The following RB1CC1 variants were observed in gnomAD, a reference collection of about 807,000 sequenced individuals.
RB1CC1 encodes RB1-inducible coiled-coil protein 1.
A neutral mutation model predicts 177.5 loss-of-function variants in RB1CC1; 46 were observed. That is an observed-to-expected ratio of 0.26 (90% CI 0.20 to 0.33). RB1CC1 has a LOEUF of 0.33. Among genes scored for constraint, RB1CC1 ranks in the 10% least tolerant of loss-of-function variants. The pLI, the probability that RB1CC1 is intolerant of heterozygous loss-of-function variation, is 1.00. For missense variants in RB1CC1, 1,703 were observed against 1,816.3 expected (o/e 0.94, Z 1.13); for synonymous variants, 666 against 613.6 (o/e 1.09, Z -1.26).
intron 22 of RB1CC1, among the ~76,000 whole-genome samples, chr8:52,625,376 C>A (rs2150365297): frequency 6.6e-6 from 1 of 152,150 alleles, no homozygotes; most frequent in East Asian, 1.9e-4. Flanking sequence ...TGAAGGAAAG[C>A]TGAAAAATGT....
At chr8:52,640,164 T>C (rs1167265163) in intron 18 of RB1CC1, among the ~76,000 whole-genome samples, 1 of 152,188 alleles carries the variant, frequency 6.6e-6, no homozygotes, top group African/African-American at 2.4e-5. Flanking sequence ...TAAAAAAACC[T>C]ACATATGATC....
intron 2 of RB1CC1, 65 bp from the exon 3 acceptor site, chr8:52,685,585 T>C: frequency 1.6e-6 from 1 of 630,598 alleles, no homozygotes; most frequent in Non-Finnish European, 2.8e-6. Context: ...ACTATCATCA[T>C]TATGACACAG....
chr8:52,641,151 A>C (rs1004582506), intron 18 of RB1CC1, among the ~76,000 whole-genome samples: 13 of 152,002 alleles, frequency 8.6e-5, no homozygotes, highest in Non-Finnish European at 1.8e-4. Flanking sequence ...TGGGAGGCTG[A>C]GGTGAGTGGA....
In RB1CC1 at chr8:52,657,869, G is replaced by C. The variant is rs1305357715; in HGVS notation, c.1960C>G (p.Pro654Ala). 2 of 1,613,966 alleles carry C rather than the reference G, an allele frequency of 1.2e-6. No homozygotes were observed. The highest frequency in any genetic ancestry group is 1.6e-4 in the Middle Eastern group (1 of 6,062). Residue 654 changes from proline (P) to alanine (A), a missense_variant, in exon 15 of 24, where the codon CCA (proline) becomes GCA (alanine). Physicochemically the swap from Pro to Ala is conservative, Grantham distance 27. Transcript: ENST00000025008. ...ATTCCTGCTGTACTTTCCATCCTTG[G>C]TGAAGAAGCAGACTGTGGGGATGTC... ...SQTSPQSASS[P>A]RMESTAGITT...
intron 1 of RB1CC1, among the ~76,000 whole-genome samples, chr8:52,708,088 T>C (rs1483643080): frequency 6.6e-6 from 1 of 152,216 alleles, no homozygotes; most frequent in East Asian, 1.9e-4. Flanking sequence ...AAGAACTTCA[T>C]AATTAACCCC....
At chr8:52,682,404 C>CA in intron 5 of RB1CC1, among the ~76,000 whole-genome samples, 1 of 152,234 alleles carries the variant, frequency 6.6e-6, no homozygotes, top group African/African-American at 2.4e-5. Context: ...AGCATGAAAA[C>CA]AGACTGATAT....
rs1445284893 is a variant in RB1CC1, at chr8:52,656,736, A to G, written c.3093T>C (p.Ser1031=). ...NQQIINQIQE[S]HAEIIQEKEK... is the part of the protein sequence containing the mutation. ...CTTTTTCCTGGATAATTTCAGCATG[A>G]GATTCTTGTATTTGATTAATTATTT... Residue 1031 remains serine (S), a synonymous_variant, in exon 15 of 24, where the codon TCT becomes TCC. Coordinates refer to ENST00000025008, the MANE Select transcript of RB1CC1 (RefSeq NM_014781.5). 1 of 1,613,600 alleles carries G rather than the reference A, an allele frequency of 6.2e-7. No homozygotes were observed. The highest frequency in any genetic ancestry group is 1.3e-5 in the African/African-American group (1 of 74,982).
chr8:52,708,234 T>C (rs1436249738), intron 1 of RB1CC1, among the ~76,000 whole-genome samples: 2 of 152,200 alleles, frequency 1.3e-5, no homozygotes, highest in African/African-American at 4.8e-5. Flanking sequence ...AGTCAAAGTA[T>C]TGCCGGGCAC....
chr8:52,623,516 GAA>G lies in RB1CC1; in HGVS notation c.*264_*265del. ...CACAAGGTATGCCCTTTGAGAAAAT[GAA>G]GTAGTTTGGTCCGCATTTCTAGAGT... On this transcript the variant is annotated 3_prime_UTR_variant, in exon 24 of 24. Transcript: ENST00000025008. 2.3e-6 allele frequency: 1 copy of G among 432,498 alleles called. No individual in the cohort carries two copies. Among genetic ancestry groups the G allele is most frequent in the Non-Finnish European group, 4.3e-6 (1 of 230,476 alleles). The allele number at this position is 432,498 out of a possible 1,614,324, so 26.8% of individuals were successfully genotyped here. A position where few individuals can be genotyped will look rare whatever the true frequency, so the allele number is the denominator to read the frequency against.
At chr8:52,698,887 C>G (rs1400909890) in intron 1 of RB1CC1, among the ~76,000 whole-genome samples, 2 of 150,426 alleles carry the variant, frequency 1.3e-5, no homozygotes, top group Non-Finnish European at 1.5e-5. Context: ...GGCAGGGTTT[C>G]GCCATGTTGG....
rs1206087337 is a variant in RB1CC1 at position 52,686,859 on chromosome 8, G to A, written c.-58C>T. ...GGTAGAAACTGTGACTTACCGTCAG[G>A]CACTGTGAAAAGGACTACCACTTTT... On this transcript the variant is annotated 5_prime_UTR_variant, in exon 2 of 24. Transcript: ENST00000025008. The A allele has an allele frequency of 2.2e-6, 1 of 454,660 alleles. No homozygotes were observed. The highest frequency in any genetic ancestry group is 2.4e-5 in the Admixed American group (1 of 42,094). 28.2% of individuals were successfully genotyped at this position (454,660 alleles called of 1,614,324 possible). A position where few individuals can be genotyped will look rare whatever the true frequency, so the allele number is the denominator to read the frequency against.
chr8:52,675,366 TTA>T (rs1853000764), intron 6 of RB1CC1, among the ~76,000 whole-genome samples: 1 of 151,286 alleles, frequency 6.6e-6, no homozygotes, highest in Non-Finnish European at 1.5e-5. Context: ...GTCAAGATAA[TTA>T]AAAGAAAAAA....
At position 52,674,264 on chromosome 8, in the gene RB1CC1, C is replaced by A. The variant is rs749327814; in HGVS notation, c.583G>T (p.Ala195Ser). ...GGAATCTTGGCCATTACTGAAACTG[C>A]AGTTCCTAAACTTAAAATACAAAAG... ...IKLKLTHLGT[A>S]VSVMAKIPLL... The change falls in exon 7 of 24, where the codon GCA becomes TCA. Residue 195 changes from alanine to serine, a missense_variant. Physicochemically the swap from Ala to Ser is moderately conservative, Grantham distance 99 (BLOSUM62 1). Around this residue, in one of 6 missense-constraint regions of RB1CC1, gnomAD observed 315 missense variants for 304.9 expected, o/e 1.03. Transcript: ENST00000025008. The A allele has an allele frequency of 6.2e-7, 1 of 1,601,008 alleles. No homozygotes were observed. Among genetic ancestry groups the A allele is most frequent in the Non-Finnish European group, 8.6e-7 (1 of 1,168,368 alleles).
intron 15 of RB1CC1, among the ~76,000 whole-genome samples, chr8:52,655,313 G>C (rs1850991081): frequency 1.3e-5 from 2 of 152,114 alleles, no homozygotes; most frequent in African/African-American, 2.4e-5. Context: ...ATTCATGATA[G>C]AATGAATTGA....
chr8:52,658,255 T>C, intron 13 of RB1CC1, 131 bp from the exon 14 acceptor site: 1 of 1,082,772 alleles, frequency 9.2e-7, no homozygotes. Flanking sequence ...ACCAGAAGTA[T>C]TTTAAGAAGT....
Position 52,660,619 on chromosome 8 carries a change from C to A in RB1CC1, c.1666G>T (p.Asp556Tyr). The change falls in exon 12 of 24, where the codon GAC becomes TAC. Residue 556 changes from aspartate to tyrosine, a missense_variant. Transcript: ENST00000025008. ...FLRNRLFRGL[D>Y]SWPPSFCTQK... is the part of the protein sequence containing the mutation. ...ACACAAAAGGAAGGGGGCCAGGAGT[C>A]CAGTCCCCTAAACAGACGATTTCTT... 1 of 1,597,834 alleles carries A rather than the reference C, an allele frequency of 6.3e-7. No individual in the cohort carries two copies. The highest frequency in any genetic ancestry group is 1.4e-5 in the African/African-American group (1 of 73,796).
At chr8:52,641,555 G>C (rs1193842497) in intron 18 of RB1CC1, among the ~76,000 whole-genome samples, 1 of 152,034 alleles carries the variant, frequency 6.6e-6, no homozygotes, top group Non-Finnish European at 1.5e-5. Flanking sequence ...CTCAGGACTT[G>C]AACCTGGATC....
rs548354310 is a variant in RB1CC1 at position 52,653,069 on chromosome 8, A to G, written c.3821+2939T>C. Among the ~76,000 whole-genome samples the G allele has an allele frequency of 3.3e-5, 5 of 152,132 alleles. No homozygotes were observed. The South Asian group carries it at 8.3e-4, about 25-fold the overall frequency. On this transcript the variant is annotated intron_variant, in intron 15 of 23. Coordinates refer to ENST00000025008, the MANE Select transcript of RB1CC1 (RefSeq NM_014781.5). The stretch of plus-strand genomic sequence containing the variant: ...CGAAACTCCGTCTCAAAAAACAAAC[A>G]AACAAAAAACAAACAAAAAAACAAG...
At position 52,703,175 on chromosome 8, in the gene RB1CC1, T is replaced by A. The variant is rs773260416; in HGVS notation, c.-167+10900A>T. Among the ~76,000 whole-genome samples the A allele has an allele frequency of 1.6e-3, 245 of 152,088 alleles. 2 individuals are homozygous for A. Among genetic ancestry groups the A allele is most frequent in the Non-Finnish European group, 2.1e-4 (14 of 68,010 alleles). On this transcript the variant is annotated intron_variant, in intron 1 of 23. Transcript: ENST00000025008. ...TATTTTAACATCATATATGAATAAG[T>A]ACTCCTTGGTTCCACATAAACAGTT... is the stretch of plus-strand genomic sequence containing the variant.
Sources: gnomAD v4.1 joint callset for allele counts (sites outside exome capture counted in the v4.1 genomes callset) on GRCh38, gnomAD v4.1.1 for gene constraint, gnomAD v4.1.1 regional missense constraint, MANE v1.5 for transcripts, NCBI Gene and HGNC (gene_info 2026-07-23, HGNC 2026-07-21) for gene names.